DNHD1: variants seen among roughly 807,000 people sequenced by gnomAD.
DNHD1 encodes the protein dynein heavy chain domain-containing protein 1.
A neutral mutation model predicts 458.1 loss-of-function variants in DNHD1; 383 were observed. The observed-to-expected ratio is 0.84, with a 90% CI of 0.77 to 0.91. The LOEUF is 0.91. DNHD1 is among the 40% of genes least tolerant of loss of function. DNHD1 has a pLI of 0.00. For missense variants in DNHD1, 5,336 were observed against 5,866.1 expected, an observed-to-expected ratio of 0.91 and a Z score of 2.95; for synonymous variants, 2,203 against 2,376.9, an observed-to-expected ratio of 0.93 and a Z score of 2.13.
chr11:6,567,725 G>A lies in DNHD1; in HGVS notation c.12216G>A (p.Thr4072=), dbSNP rs375313570. Residue 4072 remains threonine (T), a synonymous_variant, in exon 36 of 43, where the codon ACG becomes ACA. Transcript: ENST00000254579. ...SLLGRPLDEN[T]YAPTMPFKHS... ...TGGGTCGGCCCCTGGATGAAAACAC[G>A]TATGCTCCCACCATGCCCTTTAAAC... is the stretch of plus-strand genomic sequence containing the variant. The A allele has an allele frequency of 2.7e-5, 44 of 1,613,736 alleles. No homozygotes were observed. Among genetic ancestry groups the A allele is most frequent in the East Asian group, 8.9e-5 (4 of 44,898 alleles).
intron 10 of DNHD1, chr11:6,520,809 T>C (rs764224274): frequency 1.0e-6 from 1 of 990,734 alleles, no homozygotes; most frequent in African/African-American, 1.7e-5. Context: ...CATCTTCACA[T>C]TTCCCTTATT....
intron 10 of DNHD1, among the ~76,000 whole-genome samples, chr11:6,522,397 T>C (rs1030878918): frequency 1.3e-5 from 2 of 152,154 alleles, no homozygotes; most frequent in East Asian, 1.9e-4. Flanking sequence ...TTCTCACTTA[T>C]AAGTGGGAGC....
At position 6,534,493 on chromosome 11, in the gene DNHD1, C is replaced by T. The variant is rs116421805; in HGVS notation, c.2998+320C>T. Among the ~76,000 whole-genome samples the T allele has an allele frequency of 7.9e-3, 1,196 of 152,204 alleles. 16 individuals are homozygous for T. Among genetic ancestry groups the T allele is most frequent in the African/African-American group, 0.027 (1,124 of 41,524 alleles). ...AGAAATGTAAGTTCTCCTTATAGAA[C>T]GTAGCCTTTTTGTAGCCCTGTTCAA... On this transcript the variant is annotated intron_variant, in intron 14 of 42. Transcript: ENST00000254579.
At chr11:6,558,336 T>C in intron 25 of DNHD1, 39 bp downstream of exon 25, 1 of 1,539,348 alleles carries the variant, frequency 6.5e-7, no homozygotes, top group Non-Finnish European at 8.8e-7. Flanking sequence ...TGCTCTGCTC[T>C]TACGCTGTCT....
At chr11:6,511,770 G>A (rs562068367) in intron 7 of DNHD1, among the ~76,000 whole-genome samples, 3 of 152,308 alleles carry the variant, frequency 2.0e-5, no homozygotes, top group African/African-American at 7.2e-5. Context: ...TTATGCTGCT[G>A]AGCTTATTTT....
At chr11:6,509,118 T>C (rs1276979576) in intron 5 of DNHD1, 35 bp downstream of exon 5, 1 of 1,613,952 alleles carries the variant, frequency 6.2e-7, no homozygotes, top group East Asian at 2.2e-5. Context: ...TGGGGGGAAA[T>C]GGATGACAGC....
chr11:6,524,725 A>G (rs982203150), intron 10 of DNHD1, among the ~76,000 whole-genome samples: 5 of 152,200 alleles, frequency 3.3e-5, no homozygotes, highest in African/African-American at 9.7e-5. Context: ...GTCTTCAGCT[A>G]TGCTTGTGTT....
rs369719200 is a variant in DNHD1 at position 6,546,133 on chromosome 11, G to A, written c.5194G>A (p.Gly1732Ser). The A allele has an allele frequency of 7.7e-6, 12 of 1,551,344 alleles. No individual in the cohort carries two copies. The East Asian group carries it at 2.7e-4, about 35-fold the overall frequency. ...LSNYLNGALQ[G>S]GAWLLLEKVH... ...CAACTATCTGAATGGTGCCCTGCAG[G>A]GTGGTGCCTGGCTGCTGTTGGAGAA... The change falls in exon 21 of 43, where the codon GGT (glycine) becomes AGT (serine). Residue 1732 changes from glycine to serine, a missense_variant. Transcript: ENST00000254579.
chr11:6,542,221 AC>A (rs2134423549), intron 18 of DNHD1, among the ~76,000 whole-genome samples: 1 of 152,316 alleles, frequency 6.6e-6, no homozygotes, highest in South Asian at 2.1e-4. Flanking sequence ...TGTCCTGAGC[AC>A]ATTTTATGCT....
chr11:6,540,201 C>A, intron 18 of DNHD1, 118 bp downstream of exon 18: 2 of 817,916 alleles, frequency 2.4e-6, no homozygotes, highest in South Asian at 1.7e-5. Flanking sequence ...CCTTACTAGA[C>A]AGCCTAAGAC....
chr11:6,571,179 C>T lies in DNHD1; in HGVS notation c.13667C>T (p.Ser4556Leu), dbSNP rs200999637. 43 of 1,604,206 alleles carry T rather than the reference C, an allele frequency of 2.7e-5. No individual in the cohort carries two copies. The African/African-American group carries it at 5.3e-4, about 20-fold the overall frequency. The change falls in exon 42 of 43, where the codon TCG becomes TTG. Residue 4556 changes from serine to leucine, a missense_variant. This residue lies in a region of DNHD1 where 698 missense variants were observed against 664.9 expected (regional missense o/e 1.05). Coordinates refer to ENST00000254579, the MANE Select transcript of DNHD1 (RefSeq NM_144666.3). The surrounding 1 kb of genome is among the most constrained non-coding windows in gnomAD (Gnocchi z 5.0). ...CCCTGGCACTGGCTGCGACAGTTGT[C>T]GCGCCGTGGGCAACTGTTGGTTCGT... ...QPPWHWLRQLSRRGQLLVRYL... is the reference protein window; with the variant it reads ...QPPWHWLRQLLRRGQLLVRYL...
chr11:6,517,652 CTTTTTTTTTTTTTTTTTTT>C (rs59300977), intron 7 of DNHD1, among the ~76,000 whole-genome samples: 5 of 59,050 alleles, frequency 8.5e-5, no homozygotes, highest in Non-Finnish European at 1.6e-4. Context: ...TCTAGGACTT[CTTTTTTTTTTTTTTTTTTT>C]TTTTTTTTTT....
intron 4 of DNHD1, among the ~76,000 whole-genome samples, chr11:6,504,356 G>A (rs1852189648): frequency 6.6e-6 from 1 of 152,202 alleles, no homozygotes; most frequent in Admixed American, 6.5e-5. Context: ...AGACTGGACA[G>A]CAAGATAAGA....
chr11:6,538,692 C>A lies in DNHD1; in HGVS notation c.3207C>A (p.His1069Gln). Residue 1069 changes from histidine to glutamine, a missense_variant, in exon 16 of 43, where the codon CAC becomes CAA. His to Gln is a conservative substitution (Grantham distance 24). Coordinates refer to ENST00000254579, the MANE Select transcript of DNHD1 (RefSeq NM_144666.3). ...AARMSTTLEL[H>Q]SPVLQHCMRI... is the part of the protein sequence containing the mutation. The stretch of plus-strand genomic sequence containing the variant: ...GGATGAGCACAACCCTGGAGCTGCA[C>A]AGCCCCGTGCTGCAGCACTGCATGC... 1.3e-6 allele frequency: 2 copies of A among 1,550,062 alleles called. No individual in the cohort carries two copies. The highest frequency in any genetic ancestry group is 1.7e-6 in the Non-Finnish European group (2 of 1,145,910).
intron 10 of DNHD1, among the ~76,000 whole-genome samples, chr11:6,527,424 A>G (rs1035060256): frequency 6.6e-6 from 1 of 152,226 alleles, no homozygotes; most frequent in Non-Finnish European, 1.5e-5. Context: ...GATGTGTTGT[A>G]TGTGAAAAAG....
At chr11:6,504,317 A>G (rs1283765780) in intron 4 of DNHD1, 4 of 152,080 alleles carry the variant, frequency 2.6e-5, no homozygotes, top group East Asian at 3.8e-4. Flanking sequence ...CTGGCCTTCT[A>G]TTAGGTTTGA....
chr11:6,564,233 G>C, intron 31 of DNHD1, 100 bp from the exon 32 acceptor site: 1 of 1,452,486 alleles, frequency 6.9e-7, no homozygotes, highest in East Asian at 2.5e-5. Flanking sequence ...ACTCCTTGCC[G>C]TACTTTCCTC....
rs957623735 is a variant in DNHD1 at position 6,528,881 on chromosome 11, G to A, written c.2107G>A (p.Val703Met). 28 of 1,551,538 alleles carry A rather than the reference G, an allele frequency of 1.8e-5. No homozygotes were observed. Among genetic ancestry groups the A allele is most frequent in the African/African-American group, 9.6e-5 (7 of 73,068 alleles). The change falls in exon 12 of 43, where the codon GTG becomes ATG. Residue 703 changes from valine (V) to methionine (M), a missense_variant. Coordinates refer to ENST00000254579, the MANE Select transcript of DNHD1 (RefSeq NM_144666.3). The part of the protein sequence containing the change: ...LNIQQVLLEG[V>M]LCKVQEFCRE... ...TAAACACCTTGTCTGCCCTTAGGGCGTGCTGTGCAAGGTGCAGGAATTCTG... is the reference window on the plus strand; with the variant it reads ...TAAACACCTTGTCTGCCCTTAGGGCATGCTGTGCAAGGTGCAGGAATTCTG...
intron 7 of DNHD1, among the ~76,000 whole-genome samples, chr11:6,511,866 A>T (rs1029454210): frequency 1.3e-5 from 2 of 152,206 alleles, no homozygotes; most frequent in Admixed American, 6.5e-5. Flanking sequence ...CATATGTTGC[A>T]TCTGTGATGC....
Sources: gnomAD v4.1 joint callset for allele counts (sites outside exome capture counted in the v4.1 genomes callset) on GRCh38, gnomAD v4.1.1 for gene constraint, gnomAD v4.1.1 regional missense constraint, Gnocchi (gnomAD v3.1) non-coding constraint, MANE v1.5 for transcripts, NCBI Gene and HGNC (gene_info 2026-07-23, HGNC 2026-07-21) for gene names.